The following AGPAT3 variants were observed in gnomAD, a reference collection of about 807,000 sequenced individuals.
AGPAT3 encodes 1-acylglycerol-3-phosphate O-acyltransferase 3, also known as 1-acyl-sn-glycerol-3-phosphate acyltransferase gamma.
AGPAT3 carries 5 observed loss-of-function variants against 47.3 expected under a neutral mutation model. That is an observed-to-expected ratio of 0.11 (90% CI 0.06 to 0.22). The LOEUF is 0.22. Ranked by LOEUF, AGPAT3 falls within the 10% of genes least tolerant of loss-of-function variation. The probability of loss-of-function intolerance (pLI) is 1.00; values close to 1 mark genes in which losing one functional copy is unlikely to be tolerated. For synonymous variants in AGPAT3, 212 were observed against 208.3 expected (o/e 1.02, Z -0.15); for missense variants, 315 against 493.0 (o/e 0.64, Z 3.42).
At chr21:43,963,707 CAAA>C (rs10582784) in intron 3 of AGPAT3, among the ~76,000 whole-genome samples, 801 of 65,676 alleles carry the variant, frequency 0.012, 5 homozygotes, top group Middle Eastern at 0.045. Flanking sequence ...GACTCTGTCT[CAAA>C]AAAAAAAAAA....
At position 43,912,091 on chromosome 21, in the gene AGPAT3, C is replaced by T. The variant is rs146235050; in HGVS notation, c.-49+8072C>T. 3.3e-5 allele frequency among the ~76,000 whole-genome samples: 5 copies of T among 152,362 alleles called. 1 individual carries two copies. In the Middle Eastern group the frequency reaches 0.01, roughly 311 times the overall value. Reference sequence around the variant, plus strand: ...CCTAGAGGTATCTTAGTCGTCCTCACAGGCTCAGCTTGAGCATTGCCGTAA... The same window carrying T: ...CCTAGAGGTATCTTAGTCGTCCTCATAGGCTCAGCTTGAGCATTGCCGTAA... On this transcript the variant is annotated intron_variant, in intron 2 of 9. Transcript: ENST00000291572.
At chr21:43,876,594 T>C (rs1007617370) in intron 1 of AGPAT3, among the ~76,000 whole-genome samples, 7 of 152,184 alleles carry the variant, frequency 4.6e-5, no homozygotes, top group Non-Finnish European at 2.9e-5. Context: ...AAATCTGAGA[T>C]TGAAGAAATT....
At chr21:43,894,824 C>T (rs1359037438) in intron 1 of AGPAT3, among the ~76,000 whole-genome samples, 1 of 152,178 alleles carries the variant, frequency 6.6e-6, no homozygotes, top group Admixed American at 6.5e-5. Flanking sequence ...TATGAAAAGG[C>T]ATCAGTGGCC....
Position 43,955,730 on chromosome 21 carries a change from A to G in AGPAT3, c.-48-3904A>G. 6.6e-6 allele frequency among the ~76,000 whole-genome samples: 1 copy of G among 151,812 alleles called. No individual in the cohort carries two copies. Among genetic ancestry groups the G allele is most frequent in the East Asian group, 2.0e-4 (1 of 5,044 alleles). On this transcript the variant is annotated intron_variant, in intron 2 of 9. Transcript: ENST00000291572. This position sits in a 1 kb window ranked among gnomAD's most constrained non-coding sequence, Gnocchi z 4.1. The stretch of plus-strand genomic sequence containing the variant: ...AGGCCAGCCTGGCCAACATGGCGAA[A>G]CCCCATCTCTACTAAACATACAAAA...
At chr21:43,869,084 TTGC>T (rs1569037120) in intron 1 of AGPAT3, among the ~76,000 whole-genome samples, 1 of 152,254 alleles carries the variant, frequency 6.6e-6, no homozygotes, top group Admixed American at 6.5e-5. Flanking sequence ...AAGGCCGTAC[TTGC>T]TGGACTGGGG....
rs913782125 is a variant in AGPAT3, at chr21:43,954,054, T to G, written c.-48-5580T>G. 6.6e-6 allele frequency among the ~76,000 whole-genome samples: 1 copy of G among 152,226 alleles called. No homozygotes were observed. Among genetic ancestry groups the G allele is most frequent in the Admixed American group, 6.5e-5 (1 of 15,292 alleles). ...AAATGTAGACGTCAACTTCACATTG[T>G]CTGGGGATGCATAATTTCCTAAAAA... On this transcript the variant is annotated intron_variant, in intron 2 of 9. Coordinates refer to ENST00000291572, the MANE Select transcript of AGPAT3 (RefSeq NM_020132.5). This position sits in a 1 kb window ranked among gnomAD's most constrained non-coding sequence, Gnocchi z 4.0.
At chr21:43,956,807 G>A (rs757507272) in intron 2 of AGPAT3, among the ~76,000 whole-genome samples, 3 of 152,232 alleles carry the variant, frequency 2.0e-5, no homozygotes, top group Non-Finnish European at 4.4e-5. Context: ...GGAAGGACCT[G>A]CCGCTCACAC....
chr21:43,941,955 A>G (rs2087671798), intron 2 of AGPAT3, among the ~76,000 whole-genome samples: 1 of 152,260 alleles, frequency 6.6e-6, no homozygotes, highest in African/African-American at 2.4e-5. Flanking sequence ...GCTTATGCCA[A>G]GCCTCTCAGC....
rs1391974578 is a variant in AGPAT3, at chr21:43,939,684, T to C, written c.-48-19950T>C. Among the ~76,000 whole-genome samples the C allele has an allele frequency of 6.6e-6, 1 of 152,162 alleles. No homozygotes were observed. The highest frequency in any genetic ancestry group is 1.5e-5 in the Non-Finnish European group (1 of 68,022). On this transcript the variant is annotated intron_variant, in intron 2 of 9. Coordinates refer to ENST00000291572, the MANE Select transcript of AGPAT3 (RefSeq NM_020132.5). The surrounding 1 kb of genome is among the most constrained non-coding windows in gnomAD (Gnocchi z 4.4). ...GACGTTTGCCTATCACTTGGAGGCC[T>C]TTCAGGGATCTTGCTAGCCCACGGC...
intron 3 of AGPAT3, chr21:43,966,783 C>T (rs923636244): frequency 2.0e-5 from 3 of 152,266 alleles, no homozygotes; most frequent in African/African-American, 7.2e-5. Flanking sequence ...GCCCACACTT[C>T]AGAGCTGGGC....
rs185100699 is a variant in AGPAT3, at chr21:43,976,495, C to T, written c.768-1551C>T. Among the ~76,000 whole-genome samples, 549 of 152,294 alleles carry T rather than the reference C, an allele frequency of 3.6e-3. 6 individuals are homozygous for T. The highest frequency in any genetic ancestry group is 3.4e-3 in the Middle Eastern group (1 of 294). On this transcript the variant is annotated intron_variant, in intron 7 of 9. Transcript: ENST00000291572. ...GATTACAGGCATGAGCCACTGTGCC[C>T]GGCTGAAAATGAATTTAATTTTAAT...
chr21:43,897,274 G>A (rs1410491750), intron 1 of AGPAT3, among the ~76,000 whole-genome samples: 1 of 152,012 alleles, frequency 6.6e-6, no homozygotes. Flanking sequence ...GGGGTTGGGG[G>A]TAAGGTTATA....
rs1194927721 is a variant in AGPAT3, at chr21:43,922,102, G to T, written c.-49+18083G>T. 1.3e-5 allele frequency among the ~76,000 whole-genome samples: 2 copies of T among 152,204 alleles called. No homozygotes were observed. The highest frequency in any genetic ancestry group is 2.9e-5 in the Non-Finnish European group (2 of 68,032). The stretch of plus-strand genomic sequence containing the variant: ...GGGGAGATTTTTTATAATGGAAAAG[G>T]TTTCCTTTTTTGGAAGTCACCTGGG... On this transcript the variant is annotated intron_variant, in intron 2 of 9. Transcript: ENST00000291572. This position sits in a 1 kb window ranked among gnomAD's most constrained non-coding sequence, Gnocchi z 4.9.
rs58345413 is a variant in AGPAT3, at chr21:43,967,784, A to G, written c.179-162A>G. 1.3e-3 allele frequency: 918 copies of G among 682,340 alleles called. 7 individuals are homozygous for G. In the African/African-American group the frequency reaches 0.015, roughly 11 times the overall value. The allele number at this position is 682,340 out of a possible 1,614,324, so 42.3% of individuals were successfully genotyped here. A position where few individuals can be genotyped will look rare whatever the true frequency, so the allele number is the denominator to read the frequency against. Reference sequence around the variant, plus strand: ...TCCCAACTGTTGCTTAGAGAAAGTTATTGTAATTTCATAAAACGTACTCAG... The same window carrying G: ...TCCCAACTGTTGCTTAGAGAAAGTTGTTGTAATTTCATAAAACGTACTCAG... On this transcript the variant is annotated intron_variant, in intron 3 of 9. Coordinates refer to ENST00000291572, the MANE Select transcript of AGPAT3 (RefSeq NM_020132.5).
intron 2 of AGPAT3, among the ~76,000 whole-genome samples, chr21:43,915,405 CTTTTTTTTTTTT>C (rs747494231): frequency 5.1e-5 from 2 of 38,848 alleles, no homozygotes; most frequent in South Asian, 1.0e-3. Flanking sequence ...TCTTGATTAG[CTTTTTTTTTTTT>C]TTTTTTTTTT....
chr21:43,937,749 C>T (rs1739973341), intron 2 of AGPAT3, among the ~76,000 whole-genome samples: 1 of 152,116 alleles, frequency 6.6e-6, no homozygotes, highest in African/African-American at 2.4e-5. Context: ...CTTTTTGCAA[C>T]CTTTTGTCAG....
At chr21:43,900,783 C>T (rs1230566814) in intron 1 of AGPAT3, among the ~76,000 whole-genome samples, 2 of 152,086 alleles carry the variant, frequency 1.3e-5, no homozygotes, top group African/African-American at 4.8e-5. Flanking sequence ...CAAGGTTGTC[C>T]TACAAAGGTC....
chr21:43,987,128 TAA>T lies in AGPAT3; in HGVS notation c.*4737_*4738del, dbSNP rs2030378753. Among the ~76,000 whole-genome samples, 1 of 152,166 alleles carries T rather than the reference TAA, an allele frequency of 6.6e-6. No individual in the cohort carries two copies. The highest frequency in any genetic ancestry group is 2.4e-5 in the African/African-American group (1 of 41,438). On this transcript the variant is annotated 3_prime_UTR_variant, in exon 10 of 10. Transcript: ENST00000291572. ...AGACAGGGATAAAATATCCACAATA[TAA>T]GAGAAAGCGACTCCGTGCCTCCTTC...
rs908872066 is a variant in AGPAT3, at chr21:43,935,969, T to A, written c.-48-23665T>A. On this transcript the variant is annotated intron_variant, in intron 2 of 9. Transcript: ENST00000291572. ...TGGCGGCTCGAGTCGGAAGCCAGAG[T>A]GTAGAACAGTAGCGGAGCCCGCCCA... Among the ~76,000 whole-genome samples, 4 of 151,980 alleles carry A rather than the reference T, an allele frequency of 2.6e-5. No homozygotes were observed. In the East Asian group the frequency reaches 5.8e-4, roughly 22 times the overall value.
Sources: gnomAD v4.1 joint callset for allele counts (sites outside exome capture counted in the v4.1 genomes callset) on GRCh38, gnomAD v4.1.1 for gene constraint, Gnocchi (gnomAD v3.1) non-coding constraint, MANE v1.5 for transcripts, NCBI Gene and HGNC (gene_info 2026-07-23, HGNC 2026-07-21) for gene names.